RSRC1: variants seen among roughly 807,000 people sequenced by gnomAD.
RSRC1 encodes the protein serine/Arginine-related protein 53.
Under a neutral mutation model 49.1 loss-of-function variants are expected in RSRC1, and 39 were observed. That is an observed-to-expected ratio of 0.79 (90% CI 0.61 to 1.04). The LOEUF (loss-of-function observed/expected upper bound fraction) is 1.04. Among genes scored for constraint, RSRC1 ranks in the 50% least tolerant of loss-of-function variants. The pLI is 0.00. For synonymous variants in RSRC1, 143 were observed against 130.8 expected (o/e 1.09, Z -0.63); for missense variants, 388 against 402.4 (o/e 0.96, Z 0.31).
chr3:158,421,366 T>A (rs1281929101), intron 6 of RSRC1, among the ~76,000 whole-genome samples: 2 of 151,898 alleles, frequency 1.3e-5, no homozygotes, highest in Non-Finnish European at 2.9e-5. Context: ...TTCTTTGAGA[T>A]CCACCTGCCT....
chr3:158,249,122 A>C (rs150045533), intron 4 of RSRC1, among the ~76,000 whole-genome samples: 31 of 152,230 alleles, frequency 2.0e-4, no homozygotes, highest in African/African-American at 6.5e-4. Context: ...TATTTCTCCT[A>C]TTTTAAAAAA....
chr3:158,119,934 G>T (rs181929344), intron 1 of RSRC1, among the ~76,000 whole-genome samples: 1 of 150,028 alleles, frequency 6.7e-6, no homozygotes, highest in Non-Finnish European at 1.5e-5. Context: ...AGGTTCAAGC[G>T]ATTCTCCTGT....
chr3:158,408,999 C>T (rs1734289655), intron 6 of RSRC1, among the ~76,000 whole-genome samples: 1 of 151,968 alleles, frequency 6.6e-6, no homozygotes, highest in African/African-American at 2.4e-5. Context: ...CGCTACTGCA[C>T]TCCAGCCTGG....
chr3:158,130,082 G>C (rs2108177810), intron 3 of RSRC1, among the ~76,000 whole-genome samples: 1 of 152,308 alleles, frequency 6.6e-6, no homozygotes, highest in Non-Finnish European at 1.5e-5. Context: ...CAGGGTGACA[G>C]CATGGTCTAG....
rs1456524937 is a variant in RSRC1 at position 158,246,964 on chromosome 3, G to T, written c.494+43719G>T. On this transcript the variant is annotated intron_variant, in intron 4 of 9. Coordinates refer to ENST00000611884, the MANE Select transcript of RSRC1 (RefSeq NM_001271838.2). Reference sequence around the variant, plus strand: ...GGGAGTGTCTCCTGGATGATATCCTGAAGTATGTTTTCCAACTTGTTCCAT... The same window carrying T: ...GGGAGTGTCTCCTGGATGATATCCTTAAGTATGTTTTCCAACTTGTTCCAT... 2.6e-5 allele frequency among the ~76,000 whole-genome samples: 4 copies of T among 152,200 alleles called. No individual in the cohort carries two copies. The East Asian group carries it at 7.7e-4, about 29-fold the overall frequency.
chr3:158,176,818 T>G (rs917519419), intron 3 of RSRC1, among the ~76,000 whole-genome samples: 29 of 152,236 alleles, frequency 1.9e-4, no homozygotes, highest in African/African-American at 6.0e-4. Context: ...ACTCAAGAGC[T>G]TCTGCACGGC....
chr3:158,157,957 G>A (rs552539231), intron 3 of RSRC1, among the ~76,000 whole-genome samples: 3 of 151,768 alleles, frequency 2.0e-5, no homozygotes, highest in African/African-American at 4.8e-5. Context: ...GATTACTGTC[G>A]CTTTGGTTTT....
intron 4 of RSRC1, chr3:158,225,627 A>G (rs1219867798): frequency 3.6e-5 from 16 of 439,908 alleles, no homozygotes; most frequent in Non-Finnish European, 5.9e-5. Flanking sequence ...TCATAGGTAT[A>G]TTAATGAGTT....
chr3:158,436,100 T>C (rs1182715237), intron 6 of RSRC1, among the ~76,000 whole-genome samples: 2 of 151,920 alleles, frequency 1.3e-5, no homozygotes, highest in Non-Finnish European at 2.9e-5. Flanking sequence ...AATTTTTACT[T>C]TAGTTCAATA....
intron 6 of RSRC1, among the ~76,000 whole-genome samples, chr3:158,375,878 T>C (rs1007517519): frequency 5.3e-5 from 8 of 152,178 alleles, no homozygotes; most frequent in Non-Finnish European, 8.8e-5. Flanking sequence ...TTAATGAGCG[T>C]CTTTCATATG....
At chr3:158,436,789 A>G (rs1477625747) in intron 6 of RSRC1, among the ~76,000 whole-genome samples, 1 of 151,980 alleles carries the variant, frequency 6.6e-6, no homozygotes, top group African/African-American at 2.4e-5. Context: ...CTGGGCTATA[A>G]TACTATTGTG....
chr3:158,542,983 C>T (rs994489222), intron 8 of RSRC1, among the ~76,000 whole-genome samples: 12 of 151,958 alleles, frequency 7.9e-5, no homozygotes, highest in East Asian at 1.9e-4. Context: ...AGTATAGGCA[C>T]GTAAGTACCA....
chr3:158,280,895 C>T (rs1726114646), intron 4 of RSRC1, among the ~76,000 whole-genome samples: 1 of 152,120 alleles, frequency 6.6e-6, no homozygotes, highest in Non-Finnish European at 1.5e-5. Flanking sequence ...AATCCACCCA[C>T]CTTAGCCTCC....
intron 7 of RSRC1, among the ~76,000 whole-genome samples, chr3:158,518,400 A>G (rs1404020047): frequency 1.3e-5 from 2 of 150,280 alleles, no homozygotes; most frequent in Non-Finnish European, 3.0e-5. Flanking sequence ...AAATGATTCA[A>G]TTTCTTTATG....
At chr3:158,199,204 T>G (rs1156376513) in intron 3 of RSRC1, among the ~76,000 whole-genome samples, 2 of 151,874 alleles carry the variant, frequency 1.3e-5, no homozygotes, top group African/African-American at 4.9e-5. Flanking sequence ...CTCCTTGCCT[T>G]CCACCATGAT....
intron 4 of RSRC1, among the ~76,000 whole-genome samples, chr3:158,242,863 T>A (rs951639605): frequency 6.6e-6 from 1 of 152,200 alleles, no homozygotes; most frequent in Non-Finnish European, 1.5e-5. Context: ...TTTTGAGAAG[T>A]GTCTGTTCAT....
At chr3:158,433,448 T>C (rs1306596148) in intron 6 of RSRC1, among the ~76,000 whole-genome samples, 1 of 151,990 alleles carries the variant, frequency 6.6e-6, no homozygotes, top group Non-Finnish European at 1.5e-5. Flanking sequence ...ATCTTTCTCA[T>C]GTCATGAAAT....
At chr3:158,435,626 T>C (rs752782714) in intron 6 of RSRC1, among the ~76,000 whole-genome samples, 6 of 151,680 alleles carry the variant, frequency 4.0e-5, no homozygotes, top group Non-Finnish European at 7.4e-5. Flanking sequence ...AATTTAAAGG[T>C]ATATATTTAC....
intron 7 of RSRC1, among the ~76,000 whole-genome samples, chr3:158,476,351 G>A (rs6441203): frequency 0.52 from 79,117 of 152,042 alleles, 21,148 homozygotes; most frequent in African/African-American, 0.64. Context: ...TTTTCAATGC[G>A]GAGCAAACAG....
Sources: gnomAD v4.1 joint callset for allele counts (sites outside exome capture counted in the v4.1 genomes callset) on GRCh38, gnomAD v4.1.1 for gene constraint, MANE v1.5 for transcripts, NCBI Gene and HGNC (gene_info 2026-07-23, HGNC 2026-07-21) for gene names.